Variants in ZNF148 observed in about 807,000 individuals in gnomAD.
The protein encoded by ZNF148 is zinc finger protein 148.
ZNF148 carries 7 observed loss-of-function variants against 67.7 expected under a neutral mutation model. The ratio of observed to expected loss-of-function variants is 0.10; its 90% CI spans 0.06 to 0.19. ZNF148 has a LOEUF of 0.19. ZNF148 is among the 10% of genes least tolerant of loss of function. The pLI is 1.00. For synonymous variants in ZNF148, 333 were observed against 330.7 expected (o/e 1.01, Z -0.08); for missense variants, 583 against 947.1 (o/e 0.62, Z 5.05).
At chr3:125,360,987 G>C (rs1393186746) in intron 1 of ZNF148, among the ~76,000 whole-genome samples, 1 of 151,506 alleles carries the variant, frequency 6.6e-6, no homozygotes. Context: ...GCCATGACTG[G>C]ACCACTGCAC....
chr3:125,250,700 TTTTTTGTTTG>T (rs1936803841), intron 7 of ZNF148, among the ~76,000 whole-genome samples: 1 of 152,060 alleles, frequency 6.6e-6, no homozygotes, highest in Non-Finnish European at 1.5e-5. Flanking sequence ...TTTTCTGGGG[TTTTTTGTTTG>T]TTTTTGTTTT....
chr3:125,323,958 C>CAA (rs11316937), intron 2 of ZNF148, among the ~76,000 whole-genome samples: 1 of 127,870 alleles, frequency 7.8e-6, no homozygotes, highest in African/African-American at 2.9e-5. Flanking sequence ...GACTCTGTCT[C>CAA]AAAAAAAAAA....
chr3:125,263,838 T>A (rs1383199823), intron 7 of ZNF148, among the ~76,000 whole-genome samples: 1 of 152,136 alleles, frequency 6.6e-6, no homozygotes, highest in East Asian at 1.9e-4. Flanking sequence ...CTAGATAGCT[T>A]CAGGATAGGG....
At chr3:125,281,773 C>CT (rs977034323) in intron 5 of ZNF148, among the ~76,000 whole-genome samples, 1 of 152,136 alleles carries the variant, frequency 6.6e-6, no homozygotes, top group African/African-American at 2.4e-5. Context: ...GAAAATCTAG[C>CT]TTTTTTTAAG....
At chr3:125,311,661 A>T (rs1273402697) in intron 4 of ZNF148, among the ~76,000 whole-genome samples, 1 of 152,170 alleles carries the variant, frequency 6.6e-6, no homozygotes, top group African/African-American at 2.4e-5. Context: ...ACCAAAAAAA[A>T]GGGAATTGTT....
chr3:125,317,656 T>TAGAGAGAGAGAG (rs1332514441), intron 3 of ZNF148, among the ~76,000 whole-genome samples: 13 of 7,256 alleles, frequency 1.8e-3, no homozygotes, highest in Non-Finnish European at 2.0e-3. Context: ...TATATATATA[T>TAGAGAGAGAGAG]ATATATAGAG....
At chr3:125,271,817 T>C (rs1937754511) in intron 7 of ZNF148, among the ~76,000 whole-genome samples, 1 of 152,192 alleles carries the variant, frequency 6.6e-6, no homozygotes, top group Non-Finnish European at 1.5e-5. Context: ...ATGAAGTACC[T>C]GCCTCCTTCT....
chr3:125,332,226 G>A (rs1193368366), intron 1 of ZNF148, among the ~76,000 whole-genome samples: 1 of 152,018 alleles, frequency 6.6e-6, no homozygotes, highest in African/African-American at 2.4e-5. Context: ...TGTTATTGAG[G>A]TAGTTACAAA....
intron 1 of ZNF148, among the ~76,000 whole-genome samples, chr3:125,339,572 C>G (rs912655964): frequency 2.4e-4 from 37 of 152,142 alleles, no homozygotes; most frequent in African/African-American, 8.5e-4. Flanking sequence ...TCACAAAAAC[C>G]TTCTGAGTGT....
intron 1 of ZNF148, among the ~76,000 whole-genome samples, chr3:125,365,221 C>A (rs1312452602): frequency 6.6e-6 from 1 of 152,076 alleles, no homozygotes; most frequent in African/African-American, 2.4e-5. Flanking sequence ...TAAAAATATA[C>A]CCTGAATGAA....
intron 5 of ZNF148, among the ~76,000 whole-genome samples, chr3:125,280,317 GTACCACAGAGAAACT>G (rs1938310437): frequency 6.6e-6 from 1 of 152,124 alleles, no homozygotes; most frequent in South Asian, 2.1e-4. Flanking sequence ...GGTTTGGATG[GTACCACAGAGAAACT>G]CACCTTAGGC....
intron 1 of ZNF148, chr3:125,344,732 T>C (rs1579860369): frequency 5.3e-6 from 3 of 563,676 alleles, no homozygotes; most frequent in South Asian, 1.7e-5. Flanking sequence ...GTTTCCATTA[T>C]GCTTTTTTAA....
At chr3:125,318,393 T>A (rs1455487975) in intron 3 of ZNF148, among the ~76,000 whole-genome samples, 1 of 152,052 alleles carries the variant, frequency 6.6e-6, no homozygotes, top group East Asian at 1.9e-4. Context: ...AATCCAAATG[T>A]GTGTATAATT....
At chr3:125,237,334 C>T (rs1305938507) in intron 7 of ZNF148, among the ~76,000 whole-genome samples, 1 of 152,146 alleles carries the variant, frequency 6.6e-6, no homozygotes, top group African/African-American at 2.4e-5. Context: ...GTAATCCCAG[C>T]ACTTTGGGAG....
At chr3:125,300,050 C>T (rs1437957880) in intron 4 of ZNF148, among the ~76,000 whole-genome samples, 1 of 152,214 alleles carries the variant, frequency 6.6e-6, no homozygotes, top group East Asian at 1.9e-4. Context: ...CGGCTCACTG[C>T]AACCTCCACC....
intron 1 of ZNF148, among the ~76,000 whole-genome samples, chr3:125,332,349 C>T (rs1202997873): frequency 1.3e-5 from 2 of 152,074 alleles, no homozygotes; most frequent in East Asian, 3.8e-4. Flanking sequence ...CTCAATTATG[C>T]AAAGTTATTT....
At chr3:125,310,889 T>TG (rs1940174314) in intron 4 of ZNF148, 1 of 213,790 alleles carries the variant, frequency 4.7e-6, no homozygotes, top group African/African-American at 2.3e-5. Context: ...TGCCATGCCC[T>TG]GCTCTGAAGA....
At chr3:125,240,828 A>G (rs1395977050) in intron 7 of ZNF148, among the ~76,000 whole-genome samples, 2 of 152,104 alleles carry the variant, frequency 1.3e-5, no homozygotes, top group East Asian at 1.9e-4. Flanking sequence ...ACGCCTTAAA[A>G]GTAATTTGTA....
intron 5 of ZNF148, among the ~76,000 whole-genome samples, chr3:125,279,547 G>A (rs1187173354): frequency 1.3e-5 from 2 of 152,064 alleles, no homozygotes; most frequent in Non-Finnish European, 2.9e-5. Flanking sequence ...TCTTCAGTTA[G>A]GGTGAACACA....
Sources: allele counts gnomAD v4.1 joint callset (sites outside exome capture counted in the v4.1 genomes callset), GRCh38; gene constraint gnomAD v4.1.1; transcripts MANE v1.5; gene names NCBI Gene and HGNC (gene_info 2026-07-23, HGNC 2026-07-21).